The following SLC4A4 variants were observed in gnomAD, a reference collection of about 807,000 sequenced individuals.
SLC4A4 encodes the protein solute carrier family 4 member 4.
SLC4A4 carries 27 observed loss-of-function variants against 111.5 expected under a neutral mutation model. That is an observed-to-expected ratio of 0.24 (90% CI 0.18 to 0.33). The LOEUF (loss-of-function observed/expected upper bound fraction) is 0.33. Ranked by LOEUF, SLC4A4 falls within the 10% of genes least tolerant of loss-of-function variation. The probability of loss-of-function intolerance (pLI) is 1.00; values close to 1 mark genes in which losing one functional copy is unlikely to be tolerated. For missense variants in SLC4A4, 909 were observed against 1,315.5 expected, an observed-to-expected ratio of 0.69 and a Z score of 4.78; for synonymous variants, 443 against 463.4, an observed-to-expected ratio of 0.96 and a Z score of 0.57.
At chr4:71,467,563 C>T (rs1295465055) in intron 13 of SLC4A4, among the ~76,000 whole-genome samples, 2 of 152,026 alleles carry the variant, frequency 1.3e-5, no homozygotes, top group Admixed American at 6.6e-5. Context: ...CACAAGTCAT[C>T]GGTGGGGCTG....
chr4:71,069,556 C>G (rs1741613386), intron 1 of SLC4A4, among the ~76,000 whole-genome samples: 1 of 152,140 alleles, frequency 6.6e-6, no homozygotes, highest in South Asian at 2.1e-4. Flanking sequence ...ATAGGATTTT[C>G]TGTTATTGGC....
In SLC4A4 at chr4:71,375,540, G is replaced by T. The variant is rs139466639; in HGVS notation, c.730+18353G>T. Among the ~76,000 whole-genome samples, 306 of 152,194 alleles carry T rather than the reference G, an allele frequency of 2.0e-3. 2 individuals carry two copies. Among genetic ancestry groups the T allele is most frequent in the Middle Eastern group, 6.8e-3 (2 of 294 alleles). On this transcript the variant is annotated intron_variant, in intron 6 of 25. Coordinates refer to ENST00000264485, the MANE Select transcript of SLC4A4 (RefSeq NM_001098484.3). The stretch of plus-strand genomic sequence containing the variant: ...CCTTGAAGGCTTCTTAACTTGAGGT[G>T]CTCTTTACTGACCTTGAACTCTGAT...
intron 7 of SLC4A4, among the ~76,000 whole-genome samples, chr4:71,425,357 G>T (rs960938826): frequency 2.0e-5 from 3 of 152,146 alleles, no homozygotes; most frequent in African/African-American, 7.2e-5. Flanking sequence ...GCTGGTGGTT[G>T]TACTAGGCTT....
intron 2 of SLC4A4, among the ~76,000 whole-genome samples, chr4:71,125,588 A>C (rs961660882): frequency 9.2e-5 from 14 of 152,234 alleles, no homozygotes; most frequent in African/African-American, 3.4e-4. Context: ...ATCAGGTCTG[A>C]CAAAGCTTTG....
intron 2 of SLC4A4, among the ~76,000 whole-genome samples, chr4:71,246,920 C>A (rs934065431): frequency 6.6e-6 from 1 of 151,990 alleles, no homozygotes; most frequent in African/African-American, 2.4e-5. Context: ...GAGGCTGAAC[C>A]GGTTAAAGTG....
intron 6 of SLC4A4, among the ~76,000 whole-genome samples, chr4:71,382,918 T>G (rs1433452659): frequency 2.0e-5 from 3 of 152,230 alleles, no homozygotes; most frequent in African/African-American, 7.2e-5. Flanking sequence ...TTGATACTGA[T>G]TCTGATATGA....
At chr4:71,424,832 G>T (rs553430879) in intron 7 of SLC4A4, among the ~76,000 whole-genome samples, 100 of 152,086 alleles carry the variant, frequency 6.6e-4, no homozygotes, top group African/African-American at 2.3e-3. Flanking sequence ...CACACTGTGG[G>T]GACTGTTGTG....
At chr4:71,464,437 C>T (rs758791162) in intron 12 of SLC4A4, among the ~76,000 whole-genome samples, 6 of 152,016 alleles carry the variant, frequency 3.9e-5, no homozygotes, top group Non-Finnish European at 5.9e-5. Flanking sequence ...GGTTTCTGTC[C>T]CTGTGAGGAA....
intron 3 of SLC4A4, among the ~76,000 whole-genome samples, chr4:71,275,628 C>T (rs1723015208): frequency 6.6e-6 from 1 of 152,198 alleles, no homozygotes; most frequent in South Asian, 2.1e-4. Context: ...GCAGACACAT[C>T]ACAAATTACC....
chr4:71,077,591 A>G (rs1049432595), intron 1 of SLC4A4, among the ~76,000 whole-genome samples: 1 of 152,244 alleles, frequency 6.6e-6, no homozygotes, highest in African/African-American at 2.4e-5. Context: ...TGGACCAGCT[A>G]CTTGCTATAC....
Position 71,435,459 on chromosome 4 carries a change from A to G in SLC4A4, c.808-5157A>G, listed in dbSNP as rs1001183663. 1.7e-4 allele frequency among the ~76,000 whole-genome samples: 26 copies of G among 152,116 alleles called. 1 individual carries two copies. Among genetic ancestry groups the G allele is most frequent in the Admixed American group, 1.4e-3 (21 of 15,274 alleles). On this transcript the variant is annotated intron_variant, in intron 7 of 25. Transcript: ENST00000264485. ...AAGACCTAAAACCATAAAATCCATA[A>G]AAGAAAACCTAGGCATTACCATTCA...
At position 71,102,176 on chromosome 4, in the gene SLC4A4, G is replaced by A. The variant is rs528369046; in HGVS notation, c.-2+9384G>A. The stretch of plus-strand genomic sequence containing the variant: ...AACTGGAAGAAAGGGTATCAGCAAT[G>A]GAAGATGAAATGAATGAAATGAAGC... On this transcript the variant is annotated intron_variant, in intron 2 of 26. Coordinates refer to the SLC4A4 transcript ENST00000649996. Among the ~76,000 whole-genome samples, 5 of 151,814 alleles carry A rather than the reference G, an allele frequency of 3.3e-5. No homozygotes were observed. The East Asian group carries it at 5.8e-4, about 18-fold the overall frequency.
chr4:71,267,344 A>G (rs1011296819), intron 3 of SLC4A4, among the ~76,000 whole-genome samples: 2 of 151,848 alleles, frequency 1.3e-5, no homozygotes, highest in African/African-American at 4.8e-5. Flanking sequence ...GAAGGATGAG[A>G]AAAAAAAATT....
chr4:71,480,412 T>C (rs1298670487), intron 14 of SLC4A4, among the ~76,000 whole-genome samples: 1 of 151,648 alleles, frequency 6.6e-6, no homozygotes, highest in African/African-American at 2.4e-5. Flanking sequence ...ATTTTGTCTG[T>C]TTTAATACTT....
At chr4:71,451,587 G>A (rs1022246582) in intron 11 of SLC4A4, among the ~76,000 whole-genome samples, 9 of 152,190 alleles carry the variant, frequency 5.9e-5, no homozygotes, top group Non-Finnish European at 1.2e-4. Context: ...CTTTGAGGAT[G>A]GGAGTATTGT....
chr4:71,132,736 G>A (rs950199131), intron 2 of SLC4A4, among the ~76,000 whole-genome samples: 1 of 152,202 alleles, frequency 6.6e-6, no homozygotes, highest in African/African-American at 2.4e-5. Context: ...TTTACCAGCT[G>A]TGTGCCTAGT....
At chr4:71,285,306 C>T (rs149394655) in intron 3 of SLC4A4, among the ~76,000 whole-genome samples, 4 of 152,252 alleles carry the variant, frequency 2.6e-5, no homozygotes, top group African/African-American at 7.2e-5. Flanking sequence ...TCCTGACTCT[C>T]GGTAACCTCT....
At chr4:71,479,917 TAA>T (rs756234846) in intron 14 of SLC4A4, among the ~76,000 whole-genome samples, 4 of 151,888 alleles carry the variant, frequency 2.6e-5, no homozygotes, top group Non-Finnish European at 5.9e-5. Flanking sequence ...AGCAGATTTG[TAA>T]AAGTTTCCCC....
chr4:71,201,616 CAT>C (rs1560776239), intron 1 of SLC4A4, among the ~76,000 whole-genome samples: 1 of 152,200 alleles, frequency 6.6e-6, no homozygotes, highest in Non-Finnish European at 1.5e-5. Context: ...ATGCATAGCA[CAT>C]AGTCAGTATG....
Sources: gnomAD v4.1 joint callset for allele counts (sites outside exome capture counted in the v4.1 genomes callset) on GRCh38, gnomAD v4.1.1 for gene constraint, MANE v1.5 for transcripts, NCBI Gene and HGNC (gene_info 2026-07-23, HGNC 2026-07-21) for gene names.